Variants in GSPT1 observed in about 807,000 individuals in gnomAD.
GSPT1 encodes eukaryotic peptide chain release factor GTP-binding subunit ERF3A.
GSPT1 carries 20 observed loss-of-function variants against 72.5 expected under a neutral mutation model. The ratio of observed to expected loss-of-function variants is 0.28; its 90% CI spans 0.19 to 0.40. The LOEUF is 0.40. Among genes scored for constraint, GSPT1 ranks in the 10% least tolerant of loss-of-function variants. GSPT1 has a pLI of 1.00. For missense variants in GSPT1, 580 were observed against 811.9 expected (o/e 0.71, Z 3.47); for synonymous variants, 334 against 293.5 (o/e 1.14, Z -1.41).
chr16:11,916,621 A>T (rs142605422), upstream of GSPT1, among the ~76,000 whole-genome samples: 27 of 152,224 alleles, frequency 1.8e-4, no homozygotes, highest in Non-Finnish European at 3.7e-4. Context: ...GAAACAATAA[A>T]ACCGTGAGAT....
At chr16:11,890,637 A>G (rs2141292012) in intron 6 of GSPT1, among the ~76,000 whole-genome samples, 1 of 152,238 alleles carries the variant, frequency 6.6e-6, no homozygotes, top group South Asian at 2.1e-4. Flanking sequence ...ATTCAAAGGC[A>G]ACCACTGTCA....
chr16:11,898,030 C>G lies in GSPT1; in HGVS notation c.358G>C (p.Val120Leu). 6.5e-7 allele frequency: 1 copy of G among 1,543,590 alleles called. No individual in the cohort carries two copies. The highest frequency in any genetic ancestry group is 8.8e-7 in the Non-Finnish European group (1 of 1,138,398). Residue 120 changes from valine to leucine, a missense_variant, in exon 2 of 15, where the codon GTG (valine) becomes CTG (leucine). Transcript: ENST00000434724. Reference sequence around the variant, plus strand: ...GACTGTTCCTCTTGAGAGGATTCCACAGGTGCTGTTTAACAGAAAGAAGTT... The same window carrying G: ...GACTGTTCCTCTTGAGAGGATTCCAGAGGTGCTGTTTAACAGAAAGAAGTT... The part of the protein sequence containing the change: ...GSGAGGRAAP[V>L]ESSQEEQSLC...
At chr16:11,893,600 G>C (rs974841748) in intron 5 of GSPT1, among the ~76,000 whole-genome samples, 2 of 152,058 alleles carry the variant, frequency 1.3e-5, no homozygotes, top group African/African-American at 4.8e-5. Context: ...CCAATTCAAA[G>C]CTCTCCTTTC....
chr16:11,877,966 C>T lies in GSPT1; in HGVS notation c.1429-386G>A, dbSNP rs868398013. On this transcript the variant is annotated intron_variant, in intron 11 of 14. Coordinates refer to ENST00000434724, the MANE Select transcript of GSPT1 (RefSeq NM_002094.4). The surrounding 1 kb of genome is among the most constrained non-coding windows in gnomAD (Gnocchi z 4.0). ...GATTTAATAAACCTGTCTTCTATTA[C>T]CTATCAATCTCCAAATATCGGAATT... Among the ~76,000 whole-genome samples the T allele has an allele frequency of 1.1e-4, 16 of 152,102 alleles. No homozygotes were observed. The highest frequency in any genetic ancestry group is 3.6e-4 in the African/African-American group (15 of 41,394).
In GSPT1 at chr16:11,886,604, C is replaced by T. The variant is rs2141286404; in HGVS notation, c.1120G>A (p.Glu374Lys). 2 of 1,609,816 alleles carry T rather than the reference C, an allele frequency of 1.2e-6. No homozygotes were observed. The highest frequency in any genetic ancestry group is 2.2e-5 in the South Asian group (2 of 90,936). ...TVNWSNERYEECKEKLVPFLK... is the reference protein window; with the variant it reads ...TVNWSNERYEKCKEKLVPFLK... ...AATGGCACTAGTTTCTCCTTACATT[C>T]TTCATATCTGCAATTATAATGTAAC... The change falls in exon 9 of 15, where the codon GAA (glutamate) becomes AAA (lysine). Residue 374 changes from glutamate to lysine, a missense_variant. Around this residue, in one of 6 missense-constraint regions of GSPT1, gnomAD observed 34 missense variants for 62.0 expected, o/e 0.55. Coordinates refer to ENST00000434724, the MANE Select transcript of GSPT1 (RefSeq NM_002094.4).
chr16:11,872,921 T>G lies in GSPT1; in HGVS notation c.*198A>C, dbSNP rs1439554613. The G allele has an allele frequency of 1.3e-5, 6 of 472,710 alleles. No homozygotes were observed. The highest frequency in any genetic ancestry group is 1.9e-5 in the Non-Finnish European group (5 of 259,928). 29.3% of individuals were successfully genotyped at this position (472,710 alleles called of 1,614,324 possible). On this transcript the variant is annotated 3_prime_UTR_variant, in exon 15 of 15. Transcript: ENST00000434724. ...AAGTGAGGGCTAGGGACAGGAATCT[T>G]GGGAAAAATTCAACAGTGGCATAGC...
chr16:11,883,191 AG>A, intron 10 of GSPT1, 96 bp from the exon 11 acceptor site: 1 of 734,366 alleles, frequency 1.4e-6, no homozygotes, highest in East Asian at 2.6e-5. Context: ...TTATTCATAA[AG>A]GAAAATCATT....
In GSPT1 at chr16:11,872,990, T is replaced by A; in HGVS notation, c.*129A>T. The A allele has an allele frequency of 1.6e-6, 1 of 618,036 alleles. No homozygotes were observed. Among genetic ancestry groups the A allele is most frequent in the Non-Finnish European group, 3.0e-6 (1 of 334,010 alleles). 38.3% of individuals were successfully genotyped at this position (618,036 alleles called of 1,614,324 possible). On this transcript the variant is annotated 3_prime_UTR_variant, in exon 15 of 15. Transcript: ENST00000434724. ...AAGCTGACATAATGTGGACTTTTGC[T>A]GTGAATTTCCTCTTTGCAAAATATG...
At chr16:11,899,658 C>CA (rs1555505216) in intron 1 of GSPT1, among the ~76,000 whole-genome samples, 1 of 151,990 alleles carries the variant, frequency 6.6e-6, no homozygotes. Flanking sequence ...TACAGATTAA[C>CA]TTTTTTTTGC....
At chr16:11,905,323 G>T (rs1438401425) in intron 1 of GSPT1, among the ~76,000 whole-genome samples, 1 of 152,132 alleles carries the variant, frequency 6.6e-6, no homozygotes, top group South Asian at 2.1e-4. Context: ...TATGACTGAG[G>T]AATTGAATTT....
chr16:11,893,490 T>A (rs906389540), intron 5 of GSPT1, among the ~76,000 whole-genome samples: 1 of 151,718 alleles, frequency 6.6e-6, no homozygotes, highest in African/African-American at 2.4e-5. Flanking sequence ...GAAAAAAAAA[T>A]TGCAACAATG....
Position 11,870,819 on chromosome 16 carries a change from T to TTGTA in GSPT1, c.*2296_*2299dup, listed in dbSNP as rs1482412757. On this transcript the variant is annotated 3_prime_UTR_variant, in exon 15 of 15. Transcript: ENST00000434724. The stretch of plus-strand genomic sequence containing the variant: ...GGAATTTTTACAGTTACATTTGTAT[T>TTGTA]TGTATGACCTGTTACTTTTTAGAGG... The TTGTA allele has an allele frequency of 1.3e-5, 2 of 152,238 alleles. No homozygotes were observed. Among genetic ancestry groups the TTGTA allele is most frequent in the Non-Finnish European group, 2.9e-5 (2 of 68,040 alleles). The allele number at this position is 152,238 out of a possible 1,614,324, so 9.4% of individuals were successfully genotyped here.
intron 1 of GSPT1, among the ~76,000 whole-genome samples, chr16:11,906,373 A>G (rs1226226086): frequency 6.6e-6 from 1 of 152,194 alleles, no homozygotes; most frequent in Non-Finnish European, 1.5e-5. Flanking sequence ...GTTCCCGCCT[A>G]TAAACCCAGC....
chr16:11,881,736 A>G (rs1413996086), intron 11 of GSPT1: 1 of 144,768 alleles, frequency 6.9e-6, no homozygotes, highest in Non-Finnish European at 1.5e-5. Context: ...CTCATAAATC[A>G]TAGCAACCTT....
At position 11,883,996 on chromosome 16, in the gene GSPT1, A is replaced by C. The variant is rs556456803; in HGVS notation, c.1348-901T>G. Among the ~76,000 whole-genome samples, 29 of 152,166 alleles carry C rather than the reference A, an allele frequency of 1.9e-4. 1 individual carries two copies. In the South Asian group the frequency reaches 5.4e-3, roughly 28 times the overall value. On this transcript the variant is annotated intron_variant, in intron 10 of 14. Transcript: ENST00000434724. ...GTTTGTACAAATTCAGGTTCTCCTG[A>C]TCTCTAGGCCTGTTTCCTCATATAT...
rs1555504702 is a variant in GSPT1, at chr16:11,892,518, A to AAAAT, written c.699-1380_699-1379insATTT. On this transcript the variant is annotated intron_variant, in intron 5 of 14. Transcript: ENST00000434724. ...GGAGACCCTTTCTCAAAAAAACAAA[A>AAAAT]AAAACAAAAAAAACAAAAAATAAAA... Among the ~76,000 whole-genome samples the AAAAT allele has an allele frequency of 3.6e-4, 49 of 138,028 alleles. 1 individual carries two copies. The highest frequency in any genetic ancestry group is 3.5e-3 in the Middle Eastern group (1 of 288). 90.6% of individuals were successfully genotyped at this position (138,028 alleles called of 152,430 possible). A position where few individuals can be genotyped will look rare whatever the true frequency, so the allele number is the denominator to read the frequency against.
chr16:11,890,550 C>T (rs915128168), intron 6 of GSPT1, among the ~76,000 whole-genome samples: 1 of 152,006 alleles, frequency 6.6e-6, no homozygotes, highest in Non-Finnish European at 1.5e-5. Flanking sequence ...TGTCAATATC[C>T]CATTGAGGTA....
intron 1 of GSPT1, chr16:11,904,220 TTTA>T: frequency 6.4e-6 from 1 of 157,116 alleles, no homozygotes; most frequent in Non-Finnish European, 1.5e-5. Flanking sequence ...ATTTTATTTA[TTTA>T]TTTTGAGTCT....
In GSPT1 at chr16:11,886,951, C is replaced by CA; in HGVS notation, c.958-21dup. 1 of 1,608,276 alleles carries CA rather than the reference C, an allele frequency of 6.2e-7. No individual in the cohort carries two copies. Among genetic ancestry groups the CA allele is most frequent in the Non-Finnish European group, 8.5e-7 (1 of 1,175,566 alleles). Reference sequence around the variant, plus strand: ...GATTACCTAATTCCAAGAAAGGAAACAGTTTACTCCTTCGCCTTCAGGCAT... The same window carrying CA: ...GATTACCTAATTCCAAGAAAGGAAACAAGTTTACTCCTTCGCCTTCAGGCAT... On this transcript the variant is annotated intron_variant, in intron 7 of 14. Coordinates refer to ENST00000434724, the MANE Select transcript of GSPT1 (RefSeq NM_002094.4).
Sources: allele counts gnomAD v4.1 joint callset (sites outside exome capture counted in the v4.1 genomes callset), GRCh38; gene constraint gnomAD v4.1.1; regional missense constraint gnomAD v4.1.1; non-coding constraint Gnocchi (gnomAD v3.1); transcripts MANE v1.5; gene names NCBI Gene and HGNC (gene_info 2026-07-23, HGNC 2026-07-21).